ASTN2: variants seen among roughly 807,000 people sequenced by gnomAD.
ASTN2 encodes astrotactin 2.
ASTN2 carries 54 observed loss-of-function variants against 139.8 expected under a neutral mutation model. That is an observed-to-expected ratio of 0.39 (90% CI 0.31 to 0.48). The LOEUF is 0.48. Ranked by LOEUF, ASTN2 falls within the 20% of genes least tolerant of loss-of-function variation. ASTN2 has a pLI of 0.95. For missense variants in ASTN2, 1,565 were observed against 1,725.1 expected (o/e 0.91, Z 1.64); for synonymous variants, 756 against 719.5 (o/e 1.05, Z -0.81).
intron 10 of ASTN2, among the ~76,000 whole-genome samples, chr9:116,885,096 C>T (rs539463094): frequency 3.9e-5 from 6 of 151,998 alleles, no homozygotes; most frequent in Non-Finnish European, 8.8e-5. Flanking sequence ...CTTTAATGAC[C>T]TTATTTCCAC....
chr9:116,979,584 T>A (rs186166914), intron 7 of ASTN2, among the ~76,000 whole-genome samples: 1 of 152,132 alleles, frequency 6.6e-6, no homozygotes, highest in Non-Finnish European at 1.5e-5. Context: ...TTCACCACTT[T>A]AAACACGTCT....
Position 116,496,484 on chromosome 9 carries a change from A to C in ASTN2, c.3356-8984T>G, listed in dbSNP as rs528073229. Among the ~76,000 whole-genome samples the C allele has an allele frequency of 2.4e-4, 36 of 152,260 alleles. No individual in the cohort carries two copies. In the South Asian group the frequency reaches 4.4e-3, roughly 18 times the overall value. On this transcript the variant is annotated intron_variant, in intron 19 of 22. Coordinates refer to ENST00000313400, the MANE Select transcript of ASTN2 (RefSeq NM_001365068.1). ...AGTAAGACAGGGAAGAGAAAAAGTC[A>C]ATATAAAGGTATATCTTCAAGTTTG...
chr9:116,738,838 C>T (rs1332424025), intron 13 of ASTN2, among the ~76,000 whole-genome samples: 1 of 152,314 alleles, frequency 6.6e-6, no homozygotes, highest in South Asian at 2.1e-4. Flanking sequence ...CTCAGTGAAT[C>T]GATCCCAAGC....
intron 3 of ASTN2, among the ~76,000 whole-genome samples, chr9:117,142,348 T>A (rs565636261): frequency 2.0e-5 from 3 of 152,264 alleles, no homozygotes; most frequent in African/African-American, 7.2e-5. Flanking sequence ...AAGTAGCCAG[T>A]CAAAGGCAAT....
intron 13 of ASTN2, among the ~76,000 whole-genome samples, chr9:116,790,978 A>AGAAAGAAAGAAAGAAAAGAAAGAAG (rs1830524975): frequency 4.5e-5 from 3 of 66,056 alleles, no homozygotes; most frequent in Admixed American, 1.6e-4. Flanking sequence ...AAAGAAAGAA[A>AGAAAGAAAGAAAGAAAAGAAAGAAG]GAAAGAAAGA....
rs1483564741 is a variant in ASTN2 at position 116,424,225 on chromosome 9, GATAA to G, written c.*1622_*1625del. On this transcript the variant is annotated 3_prime_UTR_variant, in exon 23 of 23. Transcript: ENST00000313400. ...CCTCAATAAAGCTGTTTTAAAAATA[GATAA>G]ATAAAGGGAGATTCCAGTGTTGGTA... Among the ~76,000 whole-genome samples, 3 of 152,138 alleles carry G rather than the reference GATAA, an allele frequency of 2.0e-5. No homozygotes were observed. The highest frequency in any genetic ancestry group is 1.3e-4 in the Admixed American group (2 of 15,284).
rs575168516 is a variant in ASTN2 at position 117,132,297 on chromosome 9, C to T, written c.1168+9029G>A. ...ACCCCACCCAGACCAGAACTAACCA[C>T]CTGGAGCCAAGCCCAAATGTTTTTA... On this transcript the variant is annotated intron_variant, in intron 4 of 22. Transcript: ENST00000313400. Among the ~76,000 whole-genome samples the T allele has an allele frequency of 9.8e-5, 15 of 152,306 alleles. No homozygotes were observed. The East Asian group carries it at 2.9e-3, about 29-fold the overall frequency.
At chr9:116,459,819 C>T (rs186137807) in intron 20 of ASTN2, among the ~76,000 whole-genome samples, 2 of 152,166 alleles carry the variant, frequency 1.3e-5, no homozygotes, top group East Asian at 3.9e-4. Context: ...CAGAACGGTG[C>T]AGCCATATTG....
chr9:117,344,930 G>A (rs1295392902), intron 1 of ASTN2, among the ~76,000 whole-genome samples: 1 of 152,076 alleles, frequency 6.6e-6, no homozygotes, highest in Non-Finnish European at 1.5e-5. Flanking sequence ...ATTTATTCAG[G>A]AATGTTGATA....
chr9:116,950,307 T>C (rs1254459823), intron 10 of ASTN2, among the ~76,000 whole-genome samples: 1 of 152,150 alleles, frequency 6.6e-6, no homozygotes, highest in Non-Finnish European at 1.5e-5. Context: ...GAAAAATTGT[T>C]CCAGGTTAAG....
chr9:116,712,088 C>T (rs559839110), intron 16 of ASTN2, among the ~76,000 whole-genome samples: 1 of 152,324 alleles, frequency 6.6e-6, no homozygotes, highest in South Asian at 2.1e-4. Flanking sequence ...TCCTGTCCAT[C>T]TATCTTTCTA....
intron 20 of ASTN2, among the ~76,000 whole-genome samples, chr9:116,481,438 A>G (rs1753165392): frequency 6.6e-6 from 1 of 152,188 alleles, no homozygotes; most frequent in South Asian, 2.1e-4. Context: ...AACTTGCCCA[A>G]GGCCACACAG....
At chr9:117,398,351 A>G (rs551446582) in intron 1 of ASTN2, among the ~76,000 whole-genome samples, 1 of 152,314 alleles carries the variant, frequency 6.6e-6, no homozygotes, top group South Asian at 2.1e-4. Context: ...TGGTTTGGAC[A>G]TAGTGCCATC....
At chr9:116,597,303 T>TTGTTTTTTTG (rs1276755018) in intron 19 of ASTN2, among the ~76,000 whole-genome samples, 3 of 123,338 alleles carry the variant, frequency 2.4e-5, no homozygotes, top group Non-Finnish European at 4.8e-5. Context: ...TGATCTATTT[T>TTGTTTTTTTG]TTTTTTTTTT....
At chr9:116,866,483 A>G (rs1395530212) in intron 10 of ASTN2, among the ~76,000 whole-genome samples, 1 of 152,170 alleles carries the variant, frequency 6.6e-6, no homozygotes, top group Admixed American at 6.5e-5. Flanking sequence ...TCCTGAAATG[A>G]AGCTCTGGGG....
intron 3 of ASTN2, among the ~76,000 whole-genome samples, chr9:117,178,715 G>A (rs1830979723): frequency 1.3e-5 from 2 of 152,220 alleles, no homozygotes; most frequent in Admixed American, 1.3e-4. Flanking sequence ...ATTAGCAAGG[G>A]CACAGAGAAG....
intron 17 of ASTN2, among the ~76,000 whole-genome samples, chr9:116,624,510 G>C (rs4837686): frequency 0.44 from 66,452 of 151,992 alleles, 15,415 homozygotes; most frequent in East Asian, 0.72. Context: ...CAGAAGGAAG[G>C]GGGCTCTTCT....
chr9:116,928,982 C>G (rs1285078837), intron 10 of ASTN2, among the ~76,000 whole-genome samples: 2 of 152,150 alleles, frequency 1.3e-5, no homozygotes, highest in African/African-American at 4.8e-5. Context: ...ATGGCAGAAT[C>G]AAAATAAGAA....
Position 117,245,862 on chromosome 9 carries a change from T to C in ASTN2, c.631-31120A>G, listed in dbSNP as rs572906925. ...CCTATTCTTTAGGTCTCTGCTGCCT[T>C]CTGGAAACCTTCTCCAGCCACTCTT... On this transcript the variant is annotated intron_variant, in intron 2 of 22. Transcript: ENST00000313400. Among the ~76,000 whole-genome samples, 377 of 152,216 alleles carry C rather than the reference T, an allele frequency of 2.5e-3. 3 individuals carry two copies. The highest frequency in any genetic ancestry group is 4.3e-3 in the Non-Finnish European group (290 of 67,998).
Sources: gnomAD v4.1 joint callset for allele counts (sites outside exome capture counted in the v4.1 genomes callset) on GRCh38, gnomAD v4.1.1 for gene constraint, MANE v1.5 for transcripts, NCBI Gene and HGNC (gene_info 2026-07-23, HGNC 2026-07-21) for gene names.